The following NPAS3 variants were observed in gnomAD, a reference collection of about 807,000 sequenced individuals.
NPAS3 encodes the protein neuronal PAS domain-containing protein 3.
NPAS3 carries 14 observed loss-of-function variants against 73.1 expected under a neutral mutation model. The ratio of observed to expected loss-of-function variants is 0.19; its 90% CI spans 0.13 to 0.30. The LOEUF (loss-of-function observed/expected upper bound fraction) is 0.30, where lower values mean the gene tolerates loss of function less well. Among genes scored for constraint, NPAS3 ranks in the 10% least tolerant of loss-of-function variants. NPAS3 has a pLI of 1.00. For synonymous variants in NPAS3, 620 were observed against 541.5 expected (o/e 1.14, Z -2.01); for missense variants, 1,096 against 1,250.0 (o/e 0.88, Z 1.86).
intron 2 of NPAS3, among the ~76,000 whole-genome samples, chr14:33,099,357 A>G (rs944898585): frequency 1.3e-5 from 2 of 152,218 alleles, no homozygotes; most frequent in Admixed American, 1.3e-4. Context: ...GTATTCATAC[A>G]TACATACAAA....
At chr14:33,636,709 C>T (rs187173646) in intron 5 of NPAS3, among the ~76,000 whole-genome samples, 440 of 152,310 alleles carry the variant, frequency 2.9e-3, no homozygotes, top group Non-Finnish European at 5.4e-3. Context: ...AGTCAGACTG[C>T]CCTTCTCAGA....
intron 6 of NPAS3, among the ~76,000 whole-genome samples, chr14:33,731,156 C>T (rs549727532): frequency 6.6e-5 from 10 of 152,102 alleles, no homozygotes; most frequent in East Asian, 3.9e-4. Flanking sequence ...TGGCTGGGCA[C>T]GGTGGCTCAC....
chr14:33,354,081 A>C (rs1324722709), intron 3 of NPAS3, among the ~76,000 whole-genome samples: 2 of 152,122 alleles, frequency 1.3e-5, no homozygotes, highest in Admixed American at 1.3e-4. Flanking sequence ...ACTCCTGGTA[A>C]TTTTGTAGCT....
In NPAS3 at chr14:33,203,414, T is replaced by C. The variant is rs190781675; in HGVS notation, c.141-11768T>C. Among the ~76,000 whole-genome samples the C allele has an allele frequency of 8.1e-3, 1,240 of 152,266 alleles. 24 individuals carry two copies. Among genetic ancestry groups the C allele is most frequent in the African/African-American group, 0.028 (1,181 of 41,542 alleles). On this transcript the variant is annotated intron_variant, in intron 2 of 11. Transcript: ENST00000356141. ...TAGTTATGTATGTATACATGTGCCA[T>C]GTATACATTAACTCGTCATTTACAT...
chr14:33,029,237 C>T (rs2039910321), intron 1 of NPAS3, among the ~76,000 whole-genome samples: 2 of 152,126 alleles, frequency 1.3e-5, no homozygotes, highest in African/African-American at 2.4e-5. Context: ...GACGCTTTCT[C>T]CTCTATGCAG....
chr14:33,198,957 G>A (rs866238469), intron 2 of NPAS3, among the ~76,000 whole-genome samples: 9 of 152,204 alleles, frequency 5.9e-5, no homozygotes, highest in South Asian at 4.1e-4. Flanking sequence ...ACCCAGGGCC[G>A]TCTCTGCAGC....
chr14:33,742,135 A>T (rs2061670379), intron 7 of NPAS3, among the ~76,000 whole-genome samples: 3 of 152,176 alleles, frequency 2.0e-5, no homozygotes, highest in Admixed American at 2.0e-4. Context: ...TGTAAAGCAG[A>T]CCTAAGAACT....
chr14:33,159,930 G>A (rs918276093), intron 2 of NPAS3, among the ~76,000 whole-genome samples: 5 of 152,100 alleles, frequency 3.3e-5, no homozygotes, highest in African/African-American at 1.2e-4. Flanking sequence ...TAAAGACTGT[G>A]CTGGCTTATG....
chr14:33,343,700 A>G (rs549444238), intron 3 of NPAS3, among the ~76,000 whole-genome samples: 3 of 152,330 alleles, frequency 2.0e-5, no homozygotes, highest in Middle Eastern at 6.8e-3. Context: ...AACAAAATCT[A>G]CCAGGTATAT....
chr14:33,608,929 A>C (rs992573458), intron 5 of NPAS3, among the ~76,000 whole-genome samples: 2 of 152,198 alleles, frequency 1.3e-5, no homozygotes, highest in East Asian at 1.9e-4. Context: ...TACGGTGCAT[A>C]TGAAACTAAA....
intron 2 of NPAS3, among the ~76,000 whole-genome samples, chr14:33,199,527 T>C (rs2046530462): frequency 6.6e-6 from 1 of 152,150 alleles, no homozygotes; most frequent in African/African-American, 2.4e-5. Flanking sequence ...TTTACCTCAG[T>C]TTGGTGCTCA....
chr14:33,476,377 T>G (rs1219446429), intron 4 of NPAS3, among the ~76,000 whole-genome samples: 1 of 152,204 alleles, frequency 6.6e-6, no homozygotes, highest in African/African-American at 2.4e-5. Context: ...CAATGACTAC[T>G]TGTCAATTTC....
chr14:33,002,555 C>A (rs2038847486), intron 1 of NPAS3, among the ~76,000 whole-genome samples: 1 of 152,100 alleles, frequency 6.6e-6, no homozygotes, highest in Admixed American at 6.5e-5. Flanking sequence ...TGGCCCTGTG[C>A]CCTACAGAAT....
chr14:33,604,737 T>G (rs976803831), intron 5 of NPAS3, among the ~76,000 whole-genome samples: 1 of 152,094 alleles, frequency 6.6e-6, no homozygotes, highest in Non-Finnish European at 1.5e-5. Flanking sequence ...TTTAAAAGGT[T>G]TAAGTCATAC....
chr14:33,056,048 G>A lies in NPAS3; in HGVS notation c.140+54G>A, dbSNP rs907873842. 39 of 743,674 alleles carry A rather than the reference G, an allele frequency of 5.2e-5. No homozygotes were observed. In the African/African-American group the frequency reaches 6.5e-4, roughly 12 times the overall value. 46.1% of individuals were successfully genotyped at this position (743,674 alleles called of 1,614,324 possible). A position where few individuals can be genotyped will look rare whatever the true frequency, so the allele number is the denominator to read the frequency against. ...TCTGGCTCGTACATCAGTGCTTGTG[G>A]TTGCCAGCTATTCAAAAATATCCTT... On this transcript the variant is annotated intron_variant, in intron 2 of 11. Transcript: ENST00000356141.
At position 33,800,402 on chromosome 14, in the gene NPAS3, G is replaced by T. The variant is rs1295459642; in HGVS notation, c.2095G>T (p.Gly699Cys). Residue 699 changes from glycine to cysteine, a missense_variant, in exon 12 of 12, where the codon GGT becomes TGT. Coordinates refer to ENST00000356141, the Ensembl canonical transcript of NPAS3. The surrounding 1 kb of genome is among the most constrained non-coding windows in gnomAD (Gnocchi z 6.5). ...CTTCCCGTCCCCGCAGGGCGGCGGC[G>T]GTGGGGGTGGCGGTGGCGGGGGGCT... 6 of 1,603,376 alleles carry T rather than the reference G, an allele frequency of 3.7e-6. No individual in the cohort carries two copies. The highest frequency in any genetic ancestry group is 5.1e-6 in the Non-Finnish European group (6 of 1,176,950).
intron 2 of NPAS3, among the ~76,000 whole-genome samples, chr14:33,183,842 T>C (rs1179897903): frequency 6.6e-6 from 1 of 152,212 alleles, no homozygotes; most frequent in African/African-American, 2.4e-5. Context: ...CCACTCCTCC[T>C]ATCTGCAAGC....
intron 3 of NPAS3, among the ~76,000 whole-genome samples, chr14:33,366,531 C>A (rs1003420981): frequency 1.3e-5 from 2 of 152,106 alleles, no homozygotes; most frequent in African/African-American, 4.8e-5. Flanking sequence ...CAGTCACTGA[C>A]CTGGTGAGGC....
intron 5 of NPAS3, among the ~76,000 whole-genome samples, chr14:33,579,869 A>G (rs2056595197): frequency 6.6e-6 from 1 of 152,210 alleles, no homozygotes; most frequent in African/African-American, 2.4e-5. Flanking sequence ...AAGTTCAAGC[A>G]GAAATACAGA....
Sources: gnomAD v4.1 joint callset for allele counts (sites outside exome capture counted in the v4.1 genomes callset) on GRCh38, gnomAD v4.1.1 for gene constraint, Gnocchi (gnomAD v3.1) non-coding constraint, MANE v1.5 for transcripts, NCBI Gene and HGNC (gene_info 2026-07-23, HGNC 2026-07-21) for gene names.